Variants in TAF1B observed in about 807,000 individuals in gnomAD.
TAF1B encodes the protein TATA box-binding protein-associated factor RNA polymerase I subunit B.
In TAF1B, 61 loss-of-function variants were observed where a neutral mutation model predicts 83.9. The observed-to-expected ratio is 0.73, with a 90% confidence interval of 0.59 to 0.90. The LOEUF (loss-of-function observed/expected upper bound fraction) is 0.90. TAF1B is among the 40% of genes least tolerant of loss of function. The pLI, the probability that TAF1B is intolerant of heterozygous loss-of-function variation, is 0.00. For missense variants in TAF1B, 625 were observed against 677.0 expected (o/e 0.92, Z 0.85); for synonymous variants, 221 against 224.6 (o/e 0.98, Z 0.14).
chr2:9,859,723 C>A (rs1045142556), intron 5 of TAF1B, among the ~76,000 whole-genome samples: 4 of 152,168 alleles, frequency 2.6e-5, no homozygotes, highest in Non-Finnish European at 5.9e-5. Context: ...CAACAAGTTT[C>A]TAGGAATTTC....
intron 7 of TAF1B, among the ~76,000 whole-genome samples, chr2:9,877,854 T>A (rs1368499156): frequency 1.3e-5 from 2 of 151,342 alleles, no homozygotes; most frequent in Non-Finnish European, 2.9e-5. Context: ...CTCCTCTCTC[T>A]CTCTTTCCCT....
intron 5 of TAF1B, among the ~76,000 whole-genome samples, chr2:9,864,282 C>T (rs943884987): frequency 8.4e-6 from 1 of 119,210 alleles, no homozygotes. Flanking sequence ...ACCGATCCCA[C>T]AGCTACCATC....
intron 6 of TAF1B, 180 bp downstream of exon 6, chr2:9,868,609 A>G (rs927732132): frequency 1.3e-5 from 12 of 945,508 alleles, no homozygotes; most frequent in African/African-American, 4.9e-5. Context: ...TCTTAGCGCA[A>G]TTTTTTAAAA....
rs1664310871 is a variant in TAF1B, at chr2:9,875,938, G to A, written c.627G>A (p.Met209Ile). The A allele has an allele frequency of 6.2e-7, 1 of 1,613,736 alleles. No individual in the cohort carries two copies. The highest frequency in any genetic ancestry group is 1.3e-5 in the African/African-American group (1 of 75,030). ...GAAAGGAGAAGGGAATCGTGAAGATGACCATGCCACAGACACTTGCCTTCT... is the reference window on the plus strand; with the variant it reads ...GAAAGGAGAAGGGAATCGTGAAGATAACCATGCCACAGACACTTGCCTTCT... ...SQRKEKGIVK[M>I]TMPQTLAFCY... The change falls in exon 7 of 15, where the codon ATG becomes ATA. Residue 209 changes from methionine to isoleucine, a missense_variant. Physicochemically the swap from Met to Ile is conservative, Grantham distance 10. Coordinates refer to ENST00000263663, the MANE Select transcript of TAF1B (RefSeq NM_005680.3).
At chr2:9,927,487 A>G (rs181172402) in intron 14 of TAF1B, among the ~76,000 whole-genome samples, 2 of 152,346 alleles carry the variant, frequency 1.3e-5, no homozygotes, top group East Asian at 1.9e-4. Context: ...AGTCCTACCA[A>G]TAGTGTGAAA....
At chr2:9,849,678 C>T (rs545977774) in intron 3 of TAF1B, among the ~76,000 whole-genome samples, 47 of 152,120 alleles carry the variant, frequency 3.1e-4, no homozygotes, top group African/African-American at 1.1e-3. Flanking sequence ...ATAATTCAAC[C>T]GTGGAATTGT....
At chr2:9,853,859 C>G (rs1663476910) in intron 4 of TAF1B, among the ~76,000 whole-genome samples, 2 of 152,138 alleles carry the variant, frequency 1.3e-5, no homozygotes, top group Admixed American at 1.3e-4. Context: ...GTATCAGTTG[C>G]TTTGTACTCT....
chr2:9,924,486 G>C (rs1169865150), intron 14 of TAF1B, among the ~76,000 whole-genome samples: 4 of 152,232 alleles, frequency 2.6e-5, no homozygotes, highest in African/African-American at 7.2e-5. Context: ...CAGTCGCAGA[G>C]CCTGAAGTTC....
chr2:9,912,457 T>C (rs914638793), intron 11 of TAF1B, among the ~76,000 whole-genome samples: 3 of 152,206 alleles, frequency 2.0e-5, no homozygotes, highest in African/African-American at 7.2e-5. Context: ...CTTTCCAGAA[T>C]ATGTGCAAAA....
Position 9,913,211 on chromosome 2 carries a change from T to C in TAF1B, c.1233T>C (p.Phe411=). Residue 411 remains phenylalanine (F), a synonymous_variant, in exon 12 of 15, where the codon TTT becomes TTC. Coordinates refer to ENST00000263663, the MANE Select transcript of TAF1B (RefSeq NM_005680.3). ...RKWYQIMKKA[F]DEKKQKWEEA... is the part of the protein sequence containing the mutation. ...GGTACCAAATTATGAAGAAAGCTTTTGATGAGAAAAAACAAAAATGGGAAG... is the reference window on the plus strand; with the variant it reads ...GGTACCAAATTATGAAGAAAGCTTTCGATGAGAAAAAACAAAAATGGGAAG... 1 of 1,613,246 alleles carries C rather than the reference T, an allele frequency of 6.2e-7. No homozygotes were observed. The highest frequency in any genetic ancestry group is 8.5e-7 in the Non-Finnish European group (1 of 1,179,762).
At chr2:9,920,915 G>A (rs1190579414) in intron 14 of TAF1B, among the ~76,000 whole-genome samples, 1 of 152,158 alleles carries the variant, frequency 6.6e-6, no homozygotes, top group East Asian at 1.9e-4. Flanking sequence ...TGGAAAACTT[G>A]TATGTCTAAA....
intron 8 of TAF1B, among the ~76,000 whole-genome samples, chr2:9,888,650 T>TTTCTGATGTC (rs1325257988): frequency 2.6e-5 from 4 of 152,082 alleles, no homozygotes; most frequent in Non-Finnish European, 5.9e-5. Context: ...CAATCTGCTA[T>TTTCTGATGTC]AATTCTTATC....
intron 7 of TAF1B, among the ~76,000 whole-genome samples, chr2:9,879,343 T>C (rs1254712066): frequency 6.6e-6 from 1 of 152,180 alleles, no homozygotes; most frequent in Non-Finnish European, 1.5e-5. Context: ...GCCAATGAAC[T>C]ACAAGTAACT....
Position 9,888,790 on chromosome 2 carries a change from G to GTTTTTTTTTT in TAF1B, c.807+6006_807+6015dup, listed in dbSNP as rs56125595. 1.2e-4 allele frequency among the ~76,000 whole-genome samples: 10 copies of GTTTTTTTTTT among 81,662 alleles called. 1 individual carries two copies. Among genetic ancestry groups the GTTTTTTTTTT allele is most frequent in the African/African-American group, 7.0e-4 (9 of 12,924 alleles). 53.6% of individuals were successfully genotyped at this position (81,662 alleles called of 152,430 possible). ...GTTTTCTTTATGTTTCTTCTGCTTG[G>GTTTTTTTTTT]TTTTTTTTTTTTTTTTTTTTTTTTT... On this transcript the variant is annotated intron_variant, in intron 8 of 14. Coordinates refer to ENST00000263663, the MANE Select transcript of TAF1B (RefSeq NM_005680.3).
intron 14 of TAF1B, among the ~76,000 whole-genome samples, chr2:9,931,949 G>C (rs1328063887): frequency 5.3e-5 from 8 of 152,016 alleles, no homozygotes; most frequent in Admixed American, 4.6e-4. Flanking sequence ...TCTTCCACTT[G>C]ATCGAATCGG....
At chr2:9,905,427 TG>T (rs1665311256) in intron 9 of TAF1B, among the ~76,000 whole-genome samples, 1 of 152,210 alleles carries the variant, frequency 6.6e-6, no homozygotes, top group African/African-American at 2.4e-5. Flanking sequence ...AGCTAATCTG[TG>T]GTAACATTTT....
At chr2:9,887,046 AGAGT>A (rs1664696537) in intron 8 of TAF1B, among the ~76,000 whole-genome samples, 1 of 151,170 alleles carries the variant, frequency 6.6e-6, no homozygotes, top group African/African-American at 2.4e-5. Context: ...GCCAGGCAAC[AGAGT>A]GAGACTCTGT....
intron 8 of TAF1B, among the ~76,000 whole-genome samples, chr2:9,898,104 C>T (rs1377510984): frequency 6.6e-6 from 1 of 152,040 alleles, no homozygotes; most frequent in Non-Finnish European, 1.5e-5. Context: ...AAAGTAGCCT[C>T]TGCATTTTAT....
chr2:9,900,593 A>G (rs1249557650), intron 8 of TAF1B, among the ~76,000 whole-genome samples: 1 of 152,160 alleles, frequency 6.6e-6, no homozygotes, highest in Non-Finnish European at 1.5e-5. Flanking sequence ...GCAAAGAGCT[A>G]GAAGCAGATA....
Sources: gnomAD v4.1 joint callset for allele counts (sites outside exome capture counted in the v4.1 genomes callset) on GRCh38, gnomAD v4.1.1 for gene constraint, MANE v1.5 for transcripts, NCBI Gene and HGNC (gene_info 2026-07-23, HGNC 2026-07-21) for gene names.